The following LHFPL3 variants were observed in gnomAD, a reference collection of about 807,000 sequenced individuals.
The protein encoded by LHFPL3 is LHFPL tetraspan subfamily member 3 protein.
In LHFPL3, 5 loss-of-function variants were observed where a neutral mutation model predicts 19.3. That is an observed-to-expected ratio of 0.26 (90% confidence interval 0.14 to 0.54). The LOEUF (loss-of-function observed/expected upper bound fraction) is 0.54, where lower values mean the gene tolerates loss of function less well. Among genes scored for constraint, LHFPL3 ranks in the 20% least tolerant of loss-of-function variants. LHFPL3 has a pLI of 0.94. For missense variants in LHFPL3, 249 were observed against 307.4 expected (o/e 0.81, Z 1.42); for synonymous variants, 133 against 126.2 (o/e 1.05, Z -0.36).
intron 2 of LHFPL3, among the ~76,000 whole-genome samples, chr7:104,899,792 C>G (rs528945589): frequency 1.3e-5 from 2 of 152,062 alleles, no homozygotes; most frequent in East Asian, 1.9e-4. Flanking sequence ...AGTGCAGTGG[C>G]GTGATCTCAA....
chr7:104,496,219 G>C (rs1793476601), intron 1 of LHFPL3, among the ~76,000 whole-genome samples: 1 of 152,100 alleles, frequency 6.6e-6, no homozygotes, highest in Non-Finnish European at 1.5e-5. Flanking sequence ...AATATGCGGT[G>C]TTTGGTTTTT....
intron 1 of LHFPL3, among the ~76,000 whole-genome samples, chr7:104,700,762 TTTTGATTTTTC>T (rs1279215599): frequency 6.6e-6 from 1 of 152,228 alleles, no homozygotes; most frequent in East Asian, 1.9e-4. Context: ...TAGGTTGCAA[TTTTGATTTTTC>T]TAGTTTTAAT....
chr7:104,732,522 A>T (rs1236561422), intron 1 of LHFPL3, among the ~76,000 whole-genome samples: 1 of 152,096 alleles, frequency 6.6e-6, no homozygotes, highest in Non-Finnish European at 1.5e-5. Flanking sequence ...AGAGGTGTTT[A>T]TAGTATTCTC....
chr7:104,585,925 T>A (rs1193051468), intron 1 of LHFPL3, among the ~76,000 whole-genome samples: 2 of 152,148 alleles, frequency 1.3e-5, no homozygotes, highest in African/African-American at 2.4e-5. Flanking sequence ...AGATGTTAAA[T>A]CTGCAGCTAC....
chr7:104,793,757 G>C (rs1790067299), intron 2 of LHFPL3, among the ~76,000 whole-genome samples: 1 of 152,178 alleles, frequency 6.6e-6, no homozygotes, highest in South Asian at 2.1e-4. Context: ...AAAATCTGAT[G>C]TCAAAATTGA....
chr7:104,393,235 G>A (rs1791114165), intron 1 of LHFPL3, among the ~76,000 whole-genome samples: 1 of 152,098 alleles, frequency 6.6e-6, no homozygotes, highest in Admixed American at 6.6e-5. Context: ...AGATGATGAA[G>A]CAAGTTTAGA....
intron 1 of LHFPL3, among the ~76,000 whole-genome samples, chr7:104,389,260 C>T (rs4395826): frequency 0.18 from 26,835 of 152,026 alleles, 3,858 homozygotes; most frequent in African/African-American, 0.39. Context: ...ATTAAGAAAA[C>T]AATCCCATTT....
chr7:104,830,900 T>G (rs957511144), intron 2 of LHFPL3, among the ~76,000 whole-genome samples: 2 of 151,832 alleles, frequency 1.3e-5, no homozygotes, highest in Non-Finnish European at 2.9e-5. Context: ...TTGGATAGGA[T>G]GGGTATTCAT....
intron 1 of LHFPL3, among the ~76,000 whole-genome samples, chr7:104,638,482 A>G (rs1337812787): frequency 6.6e-6 from 1 of 152,130 alleles, no homozygotes; most frequent in African/African-American, 2.4e-5. Context: ...TTCAAGAGAA[A>G]TGCTTCCAGC....
chr7:104,826,881 G>A (rs1790830558), intron 2 of LHFPL3: 1 of 151,866 alleles, frequency 6.6e-6, no homozygotes, highest in Non-Finnish European at 1.5e-5. Flanking sequence ...AAAAAAAAAA[G>A]AAGGTATTTT....
At chr7:104,608,426 C>T (rs1186389003) in intron 1 of LHFPL3, among the ~76,000 whole-genome samples, 1 of 142,902 alleles carries the variant, frequency 7.0e-6, no homozygotes, top group Admixed American at 7.7e-5. Flanking sequence ...TGTTCTCACT[C>T]ATAGGTGGGA....
At chr7:104,347,537 A>C (rs1790094385) in intron 1 of LHFPL3, among the ~76,000 whole-genome samples, 1 of 152,130 alleles carries the variant, frequency 6.6e-6, no homozygotes, top group African/African-American at 2.4e-5. Context: ...CTTCCTAAGG[A>C]CAGGGACCAT....
intron 1 of LHFPL3, among the ~76,000 whole-genome samples, chr7:104,526,455 T>C (rs1794189764): frequency 6.6e-6 from 1 of 152,198 alleles, no homozygotes; most frequent in South Asian, 2.1e-4. Context: ...AGCTCTGTAG[T>C]TACAAATGGC....
At chr7:104,561,490 G>T (rs553137269) in intron 1 of LHFPL3, among the ~76,000 whole-genome samples, 236 of 150,478 alleles carry the variant, frequency 1.6e-3, no homozygotes, top group Middle Eastern at 6.8e-3. Context: ...TTTTATCAGA[G>T]ACTAGGATTG....
chr7:104,862,408 A>T (rs762638028), intron 2 of LHFPL3, among the ~76,000 whole-genome samples: 1 of 152,148 alleles, frequency 6.6e-6, no homozygotes, highest in Non-Finnish European at 1.5e-5. Context: ...CTAATTTTCT[A>T]CTTGCCTTCT....
At chr7:104,896,858 G>A (rs1562829111) in intron 2 of LHFPL3, among the ~76,000 whole-genome samples, 2 of 152,170 alleles carry the variant, frequency 1.3e-5, no homozygotes, top group African/African-American at 2.4e-5. Context: ...GGCCAAGGCG[G>A]GTGGATCACT....
At chr7:104,470,864 A>C (rs540301671) in intron 1 of LHFPL3, among the ~76,000 whole-genome samples, 1 of 152,160 alleles carries the variant, frequency 6.6e-6, no homozygotes, top group South Asian at 2.1e-4. Context: ...CATTTCCGTC[A>C]TCTAGTTTCT....
chr7:104,367,445 C>G (rs1254894281), intron 1 of LHFPL3, among the ~76,000 whole-genome samples: 1 of 152,104 alleles, frequency 6.6e-6, no homozygotes, highest in Non-Finnish European at 1.5e-5. Context: ...TGTTGTTGTA[C>G]TCAAACTTCT....
chr7:104,821,681 A>C (rs896084116), intron 2 of LHFPL3, among the ~76,000 whole-genome samples: 1 of 152,196 alleles, frequency 6.6e-6, no homozygotes, highest in African/African-American at 2.4e-5. Context: ...CAGTGTGACC[A>C]TCTCACTATG....
Sources: allele counts gnomAD v4.1 joint callset (sites outside exome capture counted in the v4.1 genomes callset), GRCh38; gene constraint gnomAD v4.1.1; transcripts MANE v1.5; gene names NCBI Gene and HGNC (gene_info 2026-07-23, HGNC 2026-07-21).